HS3ST4: variants seen among roughly 807,000 people sequenced by gnomAD.
HS3ST4 encodes the protein heparan sulfate glucosamine 3-O-sulfotransferase 4.
Under a neutral mutation model 29.2 loss-of-function variants are expected in HS3ST4, and 17 were observed. The ratio of observed to expected loss-of-function variants is 0.58; its 90% confidence interval spans 0.40 to 0.87. HS3ST4 has a LOEUF of 0.87. Ranked by LOEUF, HS3ST4 falls within the 40% of genes least tolerant of loss-of-function variation. The pLI, the probability that HS3ST4 is intolerant of heterozygous loss-of-function variation, is 0.00. For missense variants in HS3ST4, 627 were observed against 634.5 expected (o/e 0.99, Z 0.13); for synonymous variants, 314 against 285.7 (o/e 1.10, Z -1.00).
chr16:25,704,933 G>T (rs1290011810), intron 1 of HS3ST4, among the ~76,000 whole-genome samples: 2 of 151,624 alleles, frequency 1.3e-5, no homozygotes, highest in Non-Finnish European at 2.9e-5. Context: ...GGTTGCCCAG[G>T]CTAGTCTCAA....
chr16:25,851,250 A>C (rs888077204), intron 1 of HS3ST4, among the ~76,000 whole-genome samples: 3 of 152,174 alleles, frequency 2.0e-5, no homozygotes, highest in African/African-American at 7.2e-5. Context: ...CACCATGCCC[A>C]AGCTGTTTCA....
intron 1 of HS3ST4, among the ~76,000 whole-genome samples, chr16:25,700,710 G>C (rs796557661): frequency 1.3e-5 from 2 of 152,098 alleles, no homozygotes; most frequent in East Asian, 3.9e-4. Flanking sequence ...GATTTCATTG[G>C]TTTTTGCGGT....
At chr16:25,705,450 G>A (rs1013048787) in intron 1 of HS3ST4, among the ~76,000 whole-genome samples, 1 of 152,140 alleles carries the variant, frequency 6.6e-6, no homozygotes, top group African/African-American at 2.4e-5. Context: ...CAGACCACAA[G>A]GTCAGGAGGT....
intron 1 of HS3ST4, among the ~76,000 whole-genome samples, chr16:25,752,715 C>G (rs1372269813): frequency 6.6e-6 from 1 of 152,164 alleles, no homozygotes; most frequent in Non-Finnish European, 1.5e-5. Context: ...CAAAAATACA[C>G]TTAAATGTTG....
chr16:25,922,506 T>A (rs1007519915), intron 1 of HS3ST4, among the ~76,000 whole-genome samples: 3 of 152,180 alleles, frequency 2.0e-5, no homozygotes, highest in African/African-American at 7.2e-5. Flanking sequence ...CAGGCTATGG[T>A]GTTTTGTTAT....
chr16:25,737,673 A>C (rs1461470014), intron 1 of HS3ST4, among the ~76,000 whole-genome samples: 1 of 152,222 alleles, frequency 6.6e-6, no homozygotes, highest in Non-Finnish European at 1.5e-5. Context: ...CCAAAAGCCC[A>C]GAAGTCACCA....
rs534373237 is a variant in HS3ST4 at position 25,906,155 on chromosome 16, G to C, written c.734+213004G>C. Among the ~76,000 whole-genome samples the C allele has an allele frequency of 1.1e-4, 16 of 152,208 alleles. 1 individual carries two copies. The highest frequency in any genetic ancestry group is 3.9e-4 in the African/African-American group (16 of 41,530). On this transcript the variant is annotated intron_variant, in intron 1 of 1. Coordinates refer to ENST00000331351, the MANE Select transcript of HS3ST4 (RefSeq NM_006040.3). ...CTGAGAGGCATAATTGGCAATTTGGGGTGTTGAGATTTGGGGATCTTTTGT... is the reference window on the plus strand; with the variant it reads ...CTGAGAGGCATAATTGGCAATTTGGCGTGTTGAGATTTGGGGATCTTTTGT...
At chr16:25,789,892 G>A (rs1177252723) in intron 1 of HS3ST4, among the ~76,000 whole-genome samples, 1 of 152,204 alleles carries the variant, frequency 6.6e-6, no homozygotes, top group Non-Finnish European at 1.5e-5. Context: ...ACATCCAGTT[G>A]TAGTGTGTTC....
At chr16:25,756,585 G>C (rs988146740) in intron 1 of HS3ST4, among the ~76,000 whole-genome samples, 2 of 152,154 alleles carry the variant, frequency 1.3e-5, no homozygotes, top group African/African-American at 4.8e-5. Context: ...GAAGATCGCA[G>C]ATCTTCAGAT....
chr16:26,102,456 A>G (rs1000429480), intron 1 of HS3ST4, among the ~76,000 whole-genome samples: 4 of 151,898 alleles, frequency 2.6e-5, no homozygotes, highest in African/African-American at 9.7e-5. Flanking sequence ...CACTGTTTCT[A>G]TTTCTTTCTT....
intron 1 of HS3ST4, among the ~76,000 whole-genome samples, chr16:26,026,339 C>G (rs1002515317): frequency 6.6e-6 from 1 of 152,200 alleles, no homozygotes; most frequent in African/African-American, 2.4e-5. Context: ...ACAGAAAGCT[C>G]TGGTGCATCA....
chr16:25,940,272 G>GCTTAACAGTA (rs11282236), intron 1 of HS3ST4, among the ~76,000 whole-genome samples: 90,464 of 151,026 alleles, frequency 0.6, 27,320 homozygotes, highest in African/African-American at 0.62. Context: ...TGATGATTAA[G>GCTTAACAGTA]CTATTCTGGG....
chr16:25,776,443 TC>T (rs1274918635), intron 1 of HS3ST4, among the ~76,000 whole-genome samples: 2 of 152,300 alleles, frequency 1.3e-5, no homozygotes, highest in Non-Finnish European at 2.9e-5. Context: ...GGAAGCCACC[TC>T]CCCACTTTGA....
At chr16:25,725,587 T>A (rs62034434) in intron 1 of HS3ST4, among the ~76,000 whole-genome samples, 25 of 152,102 alleles carry the variant, frequency 1.6e-4, no homozygotes, top group Middle Eastern at 3.4e-3. Flanking sequence ...TAAATATATA[T>A]GCACATATAC....
chr16:25,783,917 G>T (rs1199636454), intron 1 of HS3ST4, among the ~76,000 whole-genome samples: 1 of 152,084 alleles, frequency 6.6e-6, no homozygotes, highest in African/African-American at 2.4e-5. Context: ...TTGTTTGTTT[G>T]TTTGTTTACA....
intron 1 of HS3ST4, among the ~76,000 whole-genome samples, chr16:26,107,370 ATATG>A: frequency 6.6e-6 from 1 of 151,202 alleles, no homozygotes; most frequent in Non-Finnish European, 1.5e-5. Context: ...ACACACACAC[ATATG>A]CACACACACA....
intron 1 of HS3ST4, among the ~76,000 whole-genome samples, chr16:25,997,097 G>A (rs531675794): frequency 2.6e-5 from 4 of 152,216 alleles, no homozygotes; most frequent in African/African-American, 9.6e-5. Context: ...CAGACACTTT[G>A]TCAAAATAAA....
At chr16:26,001,187 TC>T (rs1432332547) in intron 1 of HS3ST4, among the ~76,000 whole-genome samples, 1 of 152,180 alleles carries the variant, frequency 6.6e-6, no homozygotes, top group Admixed American at 6.5e-5. Flanking sequence ...AAAATTTGAA[TC>T]AATATTAAAT....
intron 1 of HS3ST4, among the ~76,000 whole-genome samples, chr16:26,107,539 CCACT>C (rs1187834946): frequency 7.9e-5 from 12 of 152,178 alleles, no homozygotes; most frequent in Non-Finnish European, 1.5e-4. Flanking sequence ...TCCCTCACTG[CCACT>C]CACTCACCCT....
Sources: allele counts gnomAD v4.1 joint callset (sites outside exome capture counted in the v4.1 genomes callset), GRCh38; gene constraint gnomAD v4.1.1; transcripts MANE v1.5; gene names NCBI Gene and HGNC (gene_info 2026-07-23, HGNC 2026-07-21).